KIAA1217: variants seen among roughly 807,000 people sequenced by gnomAD.
KIAA1217 encodes sickle tail protein homolog.
Under a neutral mutation model 163.9 loss-of-function variants are expected in KIAA1217, and 88 were observed. The ratio of observed to expected loss-of-function variants is 0.54; its 90% CI spans 0.45 to 0.64. KIAA1217 has a LOEUF of 0.64. KIAA1217 is among the 30% of genes least tolerant of loss of function. KIAA1217 has a pLI of 0.00. For synonymous variants in KIAA1217, 903 were observed against 923.1 expected, an observed-to-expected ratio of 0.98 and a Z score of 0.39; for missense variants, 2,372 against 2,475.0, an observed-to-expected ratio of 0.96 and a Z score of 0.88.
intron 2 of KIAA1217, among the ~76,000 whole-genome samples, chr10:24,307,912 C>T (rs144530712): frequency 2.0e-5 from 3 of 152,150 alleles, no homozygotes; most frequent in Admixed American, 6.5e-5. Context: ...GAGTGCTTTG[C>T]GATGGAGAGA....
At chr10:24,067,021 G>A (rs945242698) in intron 2 of KIAA1217, among the ~76,000 whole-genome samples, 1 of 152,142 alleles carries the variant, frequency 6.6e-6, no homozygotes, top group Non-Finnish European at 1.5e-5. Flanking sequence ...TCTCTGCATT[G>A]ACTATTCTAG....
rs2073382310 is a variant in KIAA1217, at chr10:24,533,195, G to A, written c.3372G>A (p.Glu1124=). The A allele has an allele frequency of 1.9e-6, 3 of 1,612,494 alleles. No individual in the cohort carries two copies. The highest frequency in any genetic ancestry group is 1.3e-5 in the African/African-American group (1 of 74,884). The change falls in exon 16 of 21, where the codon GAG becomes GAA. Residue 1124 remains glutamate, a synonymous_variant. Coordinates refer to ENST00000376454, the MANE Select transcript of KIAA1217 (RefSeq NM_019590.5). ...PVTTSSSKDE[E]EEEEEGDKIM... ...CCACCTCCTCCTCAAAGGATGAGGA[G>A]GAAGAAGAAGAAGAAGGAGACAAAA... is the stretch of plus-strand genomic sequence containing the variant.
At chr10:23,988,926 A>G (rs1204703926) in intron 1 of KIAA1217, among the ~76,000 whole-genome samples, 3 of 152,234 alleles carry the variant, frequency 2.0e-5, no homozygotes, top group African/African-American at 7.2e-5. Flanking sequence ...AATGTTTTAC[A>G]CAGAAATTCT....
chr10:24,296,045 G>A (rs948398814), intron 2 of KIAA1217, among the ~76,000 whole-genome samples: 1 of 152,150 alleles, frequency 6.6e-6, no homozygotes, highest in African/African-American at 2.4e-5. Flanking sequence ...CTGTGAGCTT[G>A]CTCAAAAAGC....
intron 1 of KIAA1217, among the ~76,000 whole-genome samples, chr10:23,875,216 G>A (rs571222278): frequency 1.3e-5 from 2 of 151,788 alleles, no homozygotes; most frequent in South Asian, 2.1e-4. Context: ...AGATTTGGAG[G>A]GGAAAAATAT....
chr10:24,020,345 A>G (rs1460815275), intron 2 of KIAA1217, among the ~76,000 whole-genome samples: 2 of 152,126 alleles, frequency 1.3e-5, no homozygotes, highest in Non-Finnish European at 2.9e-5. Context: ...GGTAAAAACC[A>G]CACTAAGTAG....
At chr10:23,845,551 G>T (rs1274775762) in intron 1 of KIAA1217, among the ~76,000 whole-genome samples, 1 of 152,138 alleles carries the variant, frequency 6.6e-6, no homozygotes, top group African/African-American at 2.4e-5. Context: ...AGATGTGTCT[G>T]TTCATATCCT....
At chr10:24,403,049 CA>C (rs556606445) in intron 3 of KIAA1217, among the ~76,000 whole-genome samples, 5 of 151,546 alleles carry the variant, frequency 3.3e-5, no homozygotes, top group African/African-American at 9.7e-5. Flanking sequence ...ACACTTAATA[CA>C]AAAAAAACTC....
At chr10:23,996,270 T>G (rs1043774183) in intron 1 of KIAA1217, among the ~76,000 whole-genome samples, 5 of 152,122 alleles carry the variant, frequency 3.3e-5, no homozygotes, top group African/African-American at 1.2e-4. Context: ...ACCATGAAAA[T>G]CAAGTTATTG....
chr10:24,542,503 A>G lies in KIAA1217; in HGVS notation c.3535-190A>G, dbSNP rs190318721. The G allele has an allele frequency of 3.9e-3, 5,578 of 1,425,226 alleles. 16 individuals carry two copies. The highest frequency in any genetic ancestry group is 0.02 in the Middle Eastern group (82 of 4,018). The allele number at this position is 1,425,226 out of a possible 1,614,324, so 88.3% of individuals were successfully genotyped here. A position where few individuals can be genotyped will look rare whatever the true frequency, so the allele number is the denominator to read the frequency against. On this transcript the variant is annotated intron_variant, in intron 17 of 20. Coordinates refer to ENST00000376454, the MANE Select transcript of KIAA1217 (RefSeq NM_019590.5). ...ATTGAGATTTTCATCTTGTGCAAAC[A>G]CAGGGCATTTTTGGCAGTTGGAGAA... is the stretch of plus-strand genomic sequence containing the variant.
intron 2 of KIAA1217, among the ~76,000 whole-genome samples, chr10:24,036,030 C>G (rs1474766062): frequency 2.0e-5 from 3 of 152,170 alleles, no homozygotes; most frequent in African/African-American, 7.2e-5. Context: ...TCATTAGAGC[C>G]CAGGTGAAGG....
intron 6 of KIAA1217, among the ~76,000 whole-genome samples, chr10:24,483,304 C>T (rs2064942098): frequency 6.6e-6 from 1 of 152,158 alleles, no homozygotes; most frequent in Non-Finnish European, 1.5e-5. Context: ...ACTCCACCTC[C>T]ATCTCTCACC....
rs371110913 is a variant in KIAA1217 at position 24,294,187 on chromosome 10, CAAAAAAAAAAAAA to C, written c.354+74292_354+74304del. ...TGGGTGACAGAGCGAGACTCCGTCT[CAAAAAAAAAAAAA>C]AAAAAAAAAAAAAGAAATAGTTCCT... On this transcript the variant is annotated intron_variant, in intron 2 of 20. Coordinates refer to ENST00000376454, the MANE Select transcript of KIAA1217 (RefSeq NM_019590.5). 5.4e-5 allele frequency among the ~76,000 whole-genome samples: 3 copies of C among 55,104 alleles called. 1 individual carries two copies. The highest frequency in any genetic ancestry group is 9.8e-4 in the East Asian group (1 of 1,020). The allele number at this position is 55,104 out of a possible 152,430, so 36.2% of individuals were successfully genotyped here. A position where few individuals can be genotyped will look rare whatever the true frequency, so the allele number is the denominator to read the frequency against.
chr10:23,918,213 A>G (rs867801674), intron 1 of KIAA1217, among the ~76,000 whole-genome samples: 27 of 149,314 alleles, frequency 1.8e-4, no homozygotes, highest in Middle Eastern at 6.8e-3. Context: ...TTGTTCTCAA[A>G]CTCCTGACCT....
intron 1 of KIAA1217, among the ~76,000 whole-genome samples, chr10:23,741,401 C>T (rs1839107001): frequency 6.6e-6 from 1 of 151,970 alleles, no homozygotes; most frequent in African/African-American, 2.4e-5. Flanking sequence ...TTTTTTTCTG[C>T]TTATGCCTTT....
intron 11 of KIAA1217, among the ~76,000 whole-genome samples, chr10:24,520,980 C>T (rs2071151086): frequency 6.7e-6 from 1 of 149,584 alleles, no homozygotes; most frequent in Admixed American, 6.6e-5. Flanking sequence ...TCGCCTGAGG[C>T]CAGGAGTTCA....
intron 1 of KIAA1217, among the ~76,000 whole-genome samples, chr10:23,755,311 C>T (rs535814494): frequency 5.3e-5 from 8 of 152,088 alleles, no homozygotes; most frequent in East Asian, 1.9e-4. Context: ...CTAATATATA[C>T]GACAGTTCTT....
intron 3 of KIAA1217, among the ~76,000 whole-genome samples, chr10:24,389,163 A>G (rs1230714864): frequency 4.6e-5 from 7 of 152,214 alleles, no homozygotes; most frequent in African/African-American, 1.7e-4. Context: ...AACGTCCATC[A>G]ATGATAGACT....
rs567736571 is a variant in KIAA1217, at chr10:23,810,416, T to A, written c.-321+115182T>A. The stretch of plus-strand genomic sequence containing the variant: ...ATATATACTCTCTCTATAATATATA[T>A]ACACACACGCTATATGTACTATATA... On this transcript the variant is annotated intron_variant, in intron 1 of 18. Coordinates refer to the KIAA1217 transcript ENST00000376462. Among the ~76,000 whole-genome samples, 13 of 144,748 alleles carry A rather than the reference T, an allele frequency of 9.0e-5. No homozygotes were observed. The South Asian group carries it at 2.8e-3, about 31-fold the overall frequency. The allele number at this position is 144,748 out of a possible 152,430, so 95.0% of individuals were successfully genotyped here.
Sources: gnomAD v4.1 joint callset for allele counts (sites outside exome capture counted in the v4.1 genomes callset) on GRCh38, gnomAD v4.1.1 for gene constraint, MANE v1.5 for transcripts, NCBI Gene and HGNC (gene_info 2026-07-23, HGNC 2026-07-21) for gene names.